Variants in CATSPERE observed in about 807,000 individuals in gnomAD.
CATSPERE encodes the protein cation channel sperm-associated auxiliary subunit epsilon.
A neutral mutation model predicts 114.1 loss-of-function variants in CATSPERE; 93 were observed. The ratio of observed to expected loss-of-function variants is 0.81; its 90% CI spans 0.69 to 0.97. The LOEUF (loss-of-function observed/expected upper bound fraction) is 0.97. Ranked by LOEUF, CATSPERE falls within the 50% of genes least tolerant of loss-of-function variation. The pLI, the probability that CATSPERE is intolerant of heterozygous loss-of-function variation, is 0.00. For missense variants in CATSPERE, 1,058 were observed against 1,131.6 expected (o/e 0.93, Z 0.93); for synonymous variants, 341 against 384.1 (o/e 0.89, Z 1.31).
rs569758268 is a variant in CATSPERE, at chr1:244,528,720, A to G, written c.536+10022A>G. 6.6e-5 allele frequency among the ~76,000 whole-genome samples: 10 copies of G among 151,822 alleles called. No homozygotes were observed. In the East Asian group the frequency reaches 1.5e-3, roughly 23 times the overall value. The stretch of plus-strand genomic sequence containing the variant: ...TATAGTCACCCAGTTGTGACATCAA[A>G]TACATCTTATTCTATTTTTTTGAAC... On this transcript the variant is annotated intron_variant, in intron 8 of 21. Transcript: ENST00000366534.
intron 20 of CATSPERE, among the ~76,000 whole-genome samples, chr1:244,623,484 G>A (rs1672668311): frequency 6.6e-6 from 1 of 152,142 alleles, no homozygotes; most frequent in South Asian, 2.1e-4. Context: ...GCAGGCAGAG[G>A]CTTTGTAGAA....
upstream of CATSPERE, chr1:244,451,698 G>C: frequency 6.2e-7 from 1 of 1,612,542 alleles, no homozygotes; most frequent in Non-Finnish European, 8.5e-7. The surrounding 1 kb of genome is among the most constrained non-coding windows in gnomAD (Gnocchi z 6.6). Context: ...CTTTGCCTTC[G>C]TCGCCCCACT....
intron 7 of CATSPERE, among the ~76,000 whole-genome samples, chr1:244,507,550 A>G (rs1675015373): frequency 6.6e-6 from 1 of 152,132 alleles, no homozygotes. Context: ...TTAGCTGTAA[A>G]ATGTTTGCCC....
chr1:244,579,790 T>C (rs1453039189), intron 11 of CATSPERE, among the ~76,000 whole-genome samples: 1 of 152,246 alleles, frequency 6.6e-6, no homozygotes, highest in African/African-American at 2.4e-5. Flanking sequence ...TTTAAATCTG[T>C]AATTCTCTCA....
In CATSPERE at chr1:244,584,760, T is replaced by TG. The variant is rs373229189; in HGVS notation, c.2085+822dup. ...ATTCAGAACCCAAGCATGAGGAACCTGCGTTCCTACCAGGGCAAGGTTCCA... is the reference window on the plus strand; with the variant it reads ...ATTCAGAACCCAAGCATGAGGAACCTGGCGTTCCTACCAGGGCAAGGTTCCA... On this transcript the variant is annotated intron_variant, in intron 13 of 21. Coordinates refer to ENST00000366534, the MANE Select transcript of CATSPERE (RefSeq NM_001130957.2). 2.3e-3 allele frequency among the ~76,000 whole-genome samples: 349 copies of TG among 152,210 alleles called. 2 individuals carry two copies. The highest frequency in any genetic ancestry group is 7.9e-3 in the African/African-American group (327 of 41,522).
rs74991314 is a variant in CATSPERE, at chr1:244,576,261, C to T, written c.1950+3489C>T. Among the ~76,000 whole-genome samples the T allele has an allele frequency of 2.2e-3, 341 of 152,070 alleles. 2 individuals carry two copies. Among genetic ancestry groups the T allele is most frequent in the African/African-American group, 7.9e-3 (326 of 41,510 alleles). ...TACCCCTGAGGCCACTGCAGTGAGGCAGTGGGGCACCTCCTCATTAGAGAG... is the reference window on the plus strand; with the variant it reads ...TACCCCTGAGGCCACTGCAGTGAGGTAGTGGGGCACCTCCTCATTAGAGAG... On this transcript the variant is annotated intron_variant, in intron 11 of 21. Transcript: ENST00000366534.
intron 8 of CATSPERE, among the ~76,000 whole-genome samples, chr1:244,541,246 C>A (rs1415282892): frequency 4.0e-5 from 6 of 151,172 alleles, no homozygotes; most frequent in South Asian, 2.1e-4. Context: ...AAAATTTTCA[C>A]AACTTACTCA....
Position 244,563,822 on chromosome 1 carries a change from A to G in CATSPERE, c.1507+2677A>G, listed in dbSNP as rs187741941. Among the ~76,000 whole-genome samples the G allele has an allele frequency of 2.8e-3, 430 of 152,196 alleles. 12 individuals carry two copies. The highest frequency in any genetic ancestry group is 0.026 in the Admixed American group (401 of 15,286). On this transcript the variant is annotated intron_variant, in intron 10 of 21. Transcript: ENST00000366534. ...GTTGCTTTTGGTGTTTTAGTCATGA[A>G]TCTTTGCCCATGCCTATGTCCTGAA...
chr1:244,636,045 G>A lies in CATSPERE; in HGVS notation c.2702+503G>A, dbSNP rs986937358. The stretch of plus-strand genomic sequence containing the variant: ...TCTCAGCTCCTCCTACTTGGCAGAT[G>A]CCAGAATGCAGTGGTAGGGATTGGG... On this transcript the variant is annotated intron_variant, in intron 21 of 21. Transcript: ENST00000366534. 4.6e-5 allele frequency among the ~76,000 whole-genome samples: 7 copies of A among 152,316 alleles called. 1 individual carries two copies. Among genetic ancestry groups the A allele is most frequent in the Admixed American group, 4.6e-4 (7 of 15,304 alleles).
intron 14 of CATSPERE, among the ~76,000 whole-genome samples, chr1:244,589,857 A>C (rs184830410): frequency 6.6e-6 from 1 of 152,314 alleles, no homozygotes; most frequent in Admixed American, 6.5e-5. Flanking sequence ...TTTTGAAAAC[A>C]TGGATTTTAG....
Position 244,575,466 on chromosome 1 carries a change from G to A in CATSPERE, c.1950+2694G>A, listed in dbSNP as rs1165574714. 6.6e-6 allele frequency among the ~76,000 whole-genome samples: 1 copy of A among 152,180 alleles called. No individual in the cohort carries two copies. Among genetic ancestry groups the A allele is most frequent in the East Asian group, 1.9e-4 (1 of 5,174 alleles). Reference sequence around the variant, plus strand: ...TCAGCTCTAACTTGCAGGCGTCCATGGCCAGCTGTCCTCCGAGGGTGGCAG... The same window carrying A: ...TCAGCTCTAACTTGCAGGCGTCCATAGCCAGCTGTCCTCCGAGGGTGGCAG... On this transcript the variant is annotated intron_variant, in intron 11 of 21. Transcript: ENST00000366534. The surrounding 1 kb of genome is among the most constrained non-coding windows in gnomAD (Gnocchi z 4.5).
intron 7 of CATSPERE, among the ~76,000 whole-genome samples, chr1:244,510,097 T>C (rs1484348297): frequency 6.6e-6 from 1 of 152,150 alleles, no homozygotes; most frequent in Non-Finnish European, 1.5e-5. Context: ...CTTTATTCTT[T>C]CTTTCTTTCT....
At chr1:244,460,281 T>C (rs1210745622), upstream of CATSPERE, among the ~76,000 whole-genome samples, 1 of 152,194 alleles carries the variant, frequency 6.6e-6, no homozygotes, top group Non-Finnish European at 1.5e-5. Context: ...AGCTGGAGGA[T>C]ACAAGATTCT....
chr1:244,514,689 C>T (rs1026738909), intron 7 of CATSPERE, among the ~76,000 whole-genome samples: 23 of 151,926 alleles, frequency 1.5e-4, no homozygotes, highest in East Asian at 7.8e-4. Context: ...ATTAGCTGGG[C>T]GTTGTGGCAG....
chr1:244,609,476 G>A (rs1453365084), intron 18 of CATSPERE, among the ~76,000 whole-genome samples: 1 of 151,492 alleles, frequency 6.6e-6, no homozygotes, highest in Non-Finnish European at 1.5e-5. Context: ...TCAGCCTCCC[G>A]AGTAGCCGGG....
intron 1 of CATSPERE, among the ~76,000 whole-genome samples, chr1:244,461,925 C>T (rs1221481342): frequency 2.0e-5 from 3 of 152,164 alleles, no homozygotes; most frequent in Admixed American, 2.0e-4. Flanking sequence ...GCGCTCCTCG[C>T]ACCTCGGCCT....
chr1:244,616,071 G>T (rs932267061), intron 19 of CATSPERE, among the ~76,000 whole-genome samples: 13 of 152,026 alleles, frequency 8.6e-5, no homozygotes, highest in Non-Finnish European at 1.9e-4. Flanking sequence ...CGAAGCTTCA[G>T]TGAGCTGTGA....
chr1:244,522,662 G>T (rs991636866), intron 8 of CATSPERE, among the ~76,000 whole-genome samples: 3 of 152,194 alleles, frequency 2.0e-5, no homozygotes, highest in African/African-American at 7.2e-5. Flanking sequence ...TATCACCACC[G>T]ATCCTACAGA....
At chr1:244,517,058 A>G (rs948257505) in intron 7 of CATSPERE, among the ~76,000 whole-genome samples, 3 of 152,092 alleles carry the variant, frequency 2.0e-5, no homozygotes, top group Non-Finnish European at 4.4e-5. Flanking sequence ...AATGATGTTT[A>G]TAGACTGAAC....
Sources: allele counts gnomAD v4.1 joint callset (sites outside exome capture counted in the v4.1 genomes callset), GRCh38; gene constraint gnomAD v4.1.1; non-coding constraint Gnocchi (gnomAD v3.1); transcripts MANE v1.5; gene names NCBI Gene and HGNC (gene_info 2026-07-23, HGNC 2026-07-21).